Variants in PALS2 observed in about 807,000 individuals in gnomAD.
PALS2 encodes protein associated with LIN7 2, MAGUK p55 family member.
In PALS2, 27 loss-of-function variants were observed where a neutral mutation model predicts 61.6. That is an observed-to-expected ratio of 0.44 (90% CI 0.32 to 0.60). The LOEUF (loss-of-function observed/expected upper bound fraction) is 0.60, where lower values mean the gene tolerates loss of function less well. PALS2 is among the 20% of genes least tolerant of loss of function. The pLI is 0.05. For synonymous variants in PALS2, 236 were observed against 218.6 expected, an observed-to-expected ratio of 1.08 and a Z score of -0.70; for missense variants, 554 against 639.4, an observed-to-expected ratio of 0.87 and a Z score of 1.44.
chr7:24,583,431 T>C (rs920131196), intron 1 of PALS2, among the ~76,000 whole-genome samples: 3 of 152,118 alleles, frequency 2.0e-5, no homozygotes, highest in African/African-American at 7.2e-5. Context: ...AGTTTTACTA[T>C]TCACCCAATT....
At chr7:24,622,977 GT>G (rs1350073597) in intron 1 of PALS2, among the ~76,000 whole-genome samples, 1 of 151,900 alleles carries the variant, frequency 6.6e-6, no homozygotes, top group Non-Finnish European at 1.5e-5. Context: ...AGTCTGTTGA[GT>G]TTTTATCTGT....
chr7:24,638,114 C>T (rs1213766335), intron 2 of PALS2, among the ~76,000 whole-genome samples: 1 of 151,680 alleles, frequency 6.6e-6, no homozygotes, highest in African/African-American at 2.4e-5. Flanking sequence ...AAAAATCTGA[C>T]CTTAAAGTGA....
rs749421698 is a variant in PALS2, at chr7:24,638,322, C to CTTTTTTTTTTTTTTTTTTTTTT, written c.118-3389_118-3368dup. On this transcript the variant is annotated intron_variant, in intron 2 of 11. Coordinates refer to ENST00000222644, the MANE Select transcript of PALS2 (RefSeq NM_001303037.2). ...TTTCTCCCTTCAATTTCTGTATTTT[C>CTTTTTTTTTTTTTTTTTTTTTT]TTTTTTTTTTTTTTTTTTTTTTTTT... is the stretch of plus-strand genomic sequence containing the variant. Among the ~76,000 whole-genome samples, 13 of 11,914 alleles carry CTTTTTTTTTTTTTTTTTTTTTT rather than the reference C, an allele frequency of 1.1e-3. 5 individuals are homozygous for CTTTTTTTTTTTTTTTTTTTTTT. The highest frequency in any genetic ancestry group is 1.2e-3 in the Non-Finnish European group (10 of 8,414). The allele number at this position is 11,914 out of a possible 152,430, so 7.8% of individuals were successfully genotyped here. A position where few individuals can be genotyped will look rare whatever the true frequency, so the allele number is the denominator to read the frequency against.
Position 24,583,627 on chromosome 7 carries a change from CT to C in PALS2, c.-3+10047del, listed in dbSNP as rs777224415. On this transcript the variant is annotated intron_variant, in intron 1 of 11. Transcript: ENST00000222644. ...TGAGGATATCTTATTCAGATCCTTT[CT>C]TTTTTTTTTTTTCCCATGCTAAATA... Among the ~76,000 whole-genome samples the C allele has an allele frequency of 5.2e-3, 681 of 131,220 alleles. 1 individual carries two copies. Among genetic ancestry groups the C allele is most frequent in the African/African-American group, 7.8e-3 (281 of 36,040 alleles). The allele number at this position is 131,220 out of a possible 152,430, so 86.1% of individuals were successfully genotyped here. A position where few individuals can be genotyped will look rare whatever the true frequency, so the allele number is the denominator to read the frequency against.
intron 1 of PALS2, among the ~76,000 whole-genome samples, chr7:24,581,521 A>G (rs1334058389): frequency 6.6e-6 from 1 of 152,190 alleles, no homozygotes; most frequent in Non-Finnish European, 1.5e-5. Context: ...GGAGGAGTTG[A>G]TAAGTCTTTT....
In PALS2 at chr7:24,642,490, A is replaced by G. The variant is rs538261290; in HGVS notation, c.270+622A>G. On this transcript the variant is annotated intron_variant, in intron 3 of 11. Transcript: ENST00000222644. ...GGGAAGGTGTTAGAAAAATTAACTC[A>G]TTGAAAAGAATGGAAATCCCCGATA... Among the ~76,000 whole-genome samples, 3 of 152,192 alleles carry G rather than the reference A, an allele frequency of 2.0e-5. No individual in the cohort carries two copies. In the East Asian group the frequency reaches 5.8e-4, roughly 29 times the overall value.
At chr7:24,642,991 T>C (rs1430426701) in intron 3 of PALS2, among the ~76,000 whole-genome samples, 5 of 152,168 alleles carry the variant, frequency 3.3e-5, no homozygotes, top group Non-Finnish European at 7.4e-5. Flanking sequence ...CAAGAAATTA[T>C]GATGGCAGTA....
chr7:24,666,371 C>G (rs1047472842), intron 8 of PALS2, among the ~76,000 whole-genome samples: 2 of 152,130 alleles, frequency 1.3e-5, no homozygotes, highest in Admixed American at 6.5e-5. Flanking sequence ...ATAATTGAAA[C>G]TATTTGTCCA....
chr7:24,635,538 T>C (rs1385203440), intron 2 of PALS2, among the ~76,000 whole-genome samples: 1 of 152,176 alleles, frequency 6.6e-6, no homozygotes, highest in Non-Finnish European at 1.5e-5. Flanking sequence ...GGCTTTTTTA[T>C]TTTTCTTGCC....
intron 2 of PALS2, 61 bp from the exon 3 acceptor site, chr7:24,641,655 C>G: frequency 7.2e-7 from 1 of 1,383,446 alleles, no homozygotes; most frequent in Non-Finnish European, 9.8e-7. Context: ...AAGAAATAAA[C>G]CATGGTCTGG....
rs779603329 is a variant in PALS2, at chr7:24,687,666, C to A, written c.*52C>A. On this transcript the variant is annotated 3_prime_UTR_variant, in exon 12 of 12. Transcript: ENST00000222644. This position sits in a 1 kb window ranked among gnomAD's most constrained non-coding sequence, Gnocchi z 4.5. ...TTAAACTCTTAAAAAGTGACTGCAA[C>A]AAATAAACCTTCTACTGAGAAAATA... The A allele has an allele frequency of 2.0e-6, 3 of 1,497,816 alleles. No homozygotes were observed. The highest frequency in any genetic ancestry group is 2.6e-5 in the South Asian group (2 of 77,184). The allele number at this position is 1,497,816 out of a possible 1,614,324, so 92.8% of individuals were successfully genotyped here.
At position 24,573,805 on chromosome 7, in the gene PALS2, G is replaced by A. The variant is rs1484613900; in HGVS notation, c.-3+212G>A. On this transcript the variant is annotated intron_variant, in intron 1 of 11. Transcript: ENST00000222644. The surrounding 1 kb of genome is among the most constrained non-coding windows in gnomAD (Gnocchi z 5.3). ...TCGGGGAGGCTGCTGGCCGCCCCCA[G>A]CCCGGCCCGCGCGGAAGGGGCGCTC... 1.3e-5 allele frequency among the ~76,000 whole-genome samples: 2 copies of A among 148,660 alleles called. No individual in the cohort carries two copies. The highest frequency in any genetic ancestry group is 2.0e-4 in the East Asian group (1 of 5,080).
Position 24,687,326 on chromosome 7 carries a change from C to T in PALS2, c.1447-112C>T. 1 of 784,298 alleles carries T rather than the reference C, an allele frequency of 1.3e-6. No individual in the cohort carries two copies. The highest frequency in any genetic ancestry group is 1.8e-5 in the African/African-American group (1 of 55,708). The allele number at this position is 784,298 out of a possible 1,614,324, so 48.6% of individuals were successfully genotyped here. On this transcript the variant is annotated intron_variant, in intron 11 of 11. Transcript: ENST00000222644. This position sits in a 1 kb window ranked among gnomAD's most constrained non-coding sequence, Gnocchi z 4.5. ...TGGATTAGATTTTGAAGATTAATACCAGAATTACCAGAAATATATCTAACC... is the reference window on the plus strand; with the variant it reads ...TGGATTAGATTTTGAAGATTAATACTAGAATTACCAGAAATATATCTAACC...
intron 1 of PALS2, among the ~76,000 whole-genome samples, chr7:24,610,014 G>A (rs973268484): frequency 2.6e-5 from 4 of 152,026 alleles, no homozygotes; most frequent in African/African-American, 9.7e-5. Context: ...TTTCCACTAG[G>A]ATACTTCCAG....
At chr7:24,578,059 T>C (rs1016078906) in intron 1 of PALS2, among the ~76,000 whole-genome samples, 1 of 151,916 alleles carries the variant, frequency 6.6e-6, no homozygotes, top group Admixed American at 6.6e-5. Flanking sequence ...TCCTCCCACC[T>C]CAGCCTCCTG....
At chr7:24,619,094 C>T (rs1009818344) in intron 1 of PALS2, among the ~76,000 whole-genome samples, 2 of 152,120 alleles carry the variant, frequency 1.3e-5, no homozygotes, top group Admixed American at 6.6e-5. Context: ...TTATTCGTTT[C>T]TGGATTTAAT....
intron 2 of PALS2, among the ~76,000 whole-genome samples, chr7:24,627,787 G>A (rs1005206829): frequency 5.9e-5 from 9 of 151,610 alleles, no homozygotes; most frequent in Admixed American, 1.3e-4. Context: ...TAAGTAATTC[G>A]TGGACACATA....
chr7:24,676,300 G>A (rs1787590302), intron 9 of PALS2, among the ~76,000 whole-genome samples: 1 of 151,438 alleles, frequency 6.6e-6, no homozygotes, highest in Non-Finnish European at 1.5e-5. Flanking sequence ...AGTAGGTTGG[G>A]AAAATTTTCT....
chr7:24,647,062 A>G (rs984631140), intron 3 of PALS2, among the ~76,000 whole-genome samples: 6 of 151,412 alleles, frequency 4.0e-5, no homozygotes, highest in Non-Finnish European at 8.8e-5. Flanking sequence ...TAGTCTAGCT[A>G]GTGGCTTGTC....
Sources: allele counts gnomAD v4.1 joint callset (sites outside exome capture counted in the v4.1 genomes callset), GRCh38; gene constraint gnomAD v4.1.1; non-coding constraint Gnocchi (gnomAD v3.1); transcripts MANE v1.5; gene names NCBI Gene and HGNC (gene_info 2026-07-23, HGNC 2026-07-21).